STOX2: variants seen among roughly 807,000 people sequenced by gnomAD.
The protein encoded by STOX2 is storkhead-box protein 2.
Under a neutral mutation model 60.9 loss-of-function variants are expected in STOX2, and 28 were observed. The observed-to-expected ratio is 0.46, with a 90% confidence interval of 0.34 to 0.63. The LOEUF is 0.63. Ranked by LOEUF, STOX2 falls within the 30% of genes least tolerant of loss-of-function variation. The pLI is 0.01. For missense variants in STOX2, 1,024 were observed against 1,187.7 expected, an observed-to-expected ratio of 0.86 and a Z score of 2.03; for synonymous variants, 472 against 463.9, an observed-to-expected ratio of 1.02 and a Z score of -0.22.
chr4:183,885,190 C>T (rs1410355278), intron 1 of STOX2, among the ~76,000 whole-genome samples: 2 of 152,110 alleles, frequency 1.3e-5, no homozygotes, highest in Non-Finnish European at 2.9e-5. Flanking sequence ...CCCCCACCCA[C>T]CTTTCAGAAT....
Position 184,021,416 on chromosome 4 carries a change from A to G in STOX2, c.*4132A>G, listed in dbSNP as rs1283902756. ...GCTAATAAAGTCAAAGAAAACAAAT[A>G]CATCTTGACACTTTTGTCCATTTTC... On this transcript the variant is annotated 3_prime_UTR_variant, in exon 4 of 4. Transcript: ENST00000308497. The G allele has an allele frequency of 1.3e-5, 2 of 150,406 alleles. No individual in the cohort carries two copies. Among genetic ancestry groups the G allele is most frequent in the East Asian group, 2.0e-4 (1 of 5,038 alleles). 9.3% of individuals were successfully genotyped at this position (150,406 alleles called of 1,614,324 possible). A position where few individuals can be genotyped will look rare whatever the true frequency, so the allele number is the denominator to read the frequency against.
intron 1 of STOX2, among the ~76,000 whole-genome samples, chr4:183,952,953 C>A (rs1373740835): frequency 6.6e-6 from 1 of 152,130 alleles, no homozygotes; most frequent in South Asian, 2.1e-4. Flanking sequence ...AAACCAAACA[C>A]CACATGTTCT....
chr4:183,835,030 A>G (rs1044524605), intron 1 of STOX2, among the ~76,000 whole-genome samples: 4 of 152,138 alleles, frequency 2.6e-5, no homozygotes, highest in Non-Finnish European at 5.9e-5. Flanking sequence ...AGTGTCGTGG[A>G]GAGGAAACAT....
chr4:183,920,365 C>G (rs1416366224), intron 1 of STOX2, among the ~76,000 whole-genome samples: 1 of 152,198 alleles, frequency 6.6e-6, no homozygotes, highest in Non-Finnish European at 1.5e-5. Flanking sequence ...GCCTTGGCCT[C>G]CCGAAGTGCT....
chr4:183,974,732 A>C (rs1385793049), intron 1 of STOX2, among the ~76,000 whole-genome samples: 1 of 152,218 alleles, frequency 6.6e-6, no homozygotes, highest in Admixed American at 6.5e-5. Flanking sequence ...AACTGAAAGG[A>C]AAAATGGACA....
intron 1 of STOX2, among the ~76,000 whole-genome samples, chr4:183,839,568 C>A (rs887263362): frequency 1.3e-5 from 2 of 152,194 alleles, no homozygotes; most frequent in Non-Finnish European, 2.9e-5. Flanking sequence ...GGGGATTTCT[C>A]CATGCGAGTC....
At chr4:183,879,965 G>C (rs796566928) in intron 1 of STOX2, among the ~76,000 whole-genome samples, 13 of 152,140 alleles carry the variant, frequency 8.5e-5, no homozygotes, top group African/African-American at 3.1e-4. Flanking sequence ...CTTAGGAAAG[G>C]AATTTGGTGC....
At chr4:183,888,951 G>T (rs1294821584) in intron 1 of STOX2, among the ~76,000 whole-genome samples, 3 of 151,928 alleles carry the variant, frequency 2.0e-5, no homozygotes, top group Non-Finnish European at 4.4e-5. Flanking sequence ...CCTCTGTCAG[G>T]AAAACACAGT....
chr4:183,848,208 A>G (rs1579329934), intron 1 of STOX2, among the ~76,000 whole-genome samples: 1 of 152,226 alleles, frequency 6.6e-6, no homozygotes, highest in Non-Finnish European at 1.5e-5. Context: ...GAGCCAGAGT[A>G]GTGGCCTAAT....
chr4:183,895,380 G>A (rs1477825349), intron 1 of STOX2, among the ~76,000 whole-genome samples: 6 of 152,124 alleles, frequency 3.9e-5, no homozygotes, highest in Admixed American at 3.9e-4. Flanking sequence ...CCCTCTGCTG[G>A]GAACCATAGC....
rs572102067 is a variant in STOX2 at position 183,821,768 on chromosome 4, C to T, written c.364+23713C>T. On this transcript the variant is annotated intron_variant, in intron 1 of 2. Transcript: ENST00000513034. This position sits in a 1 kb window ranked among gnomAD's most constrained non-coding sequence, Gnocchi z 4.2. ...CTGCTGCTCCAGCAGCCTCCCCCTC[C>T]ACATCCCTGCGGAGCACCCATCCCT... Among the ~76,000 whole-genome samples, 8 of 152,354 alleles carry T rather than the reference C, an allele frequency of 5.3e-5. No homozygotes were observed. The highest frequency in any genetic ancestry group is 1.9e-4 in the African/African-American group (8 of 41,580).
intron 1 of STOX2, among the ~76,000 whole-genome samples, chr4:183,992,687 C>T (rs1226479614): frequency 6.6e-6 from 1 of 152,196 alleles, no homozygotes; most frequent in African/African-American, 2.4e-5. Flanking sequence ...ATAACTTTAT[C>T]CTTGTTGGTA....
intron 1 of STOX2, among the ~76,000 whole-genome samples, chr4:183,858,889 C>G (rs1377334290): frequency 6.6e-6 from 1 of 151,818 alleles, no homozygotes; most frequent in East Asian, 1.9e-4. Context: ...AGCAATTTGC[C>G]CCTTCATCTC....
chr4:183,911,976 A>T (rs867230712), intron 1 of STOX2, among the ~76,000 whole-genome samples: 1 of 152,210 alleles, frequency 6.6e-6, no homozygotes, highest in Middle Eastern at 3.2e-3. Context: ...AAGAAAGGAC[A>T]TGGGTAATTT....
chr4:183,804,519 C>G (rs186756566), intron 1 of STOX2, among the ~76,000 whole-genome samples: 1 of 152,130 alleles, frequency 6.6e-6, no homozygotes, highest in Non-Finnish European at 1.5e-5. Context: ...CCTGTGGGGC[C>G]GTGTGGGATG....
chr4:183,798,047 G>A (rs1238316608), exon 1 of STOX2: 4 of 1,228,914 alleles, frequency 3.3e-6, no homozygotes, highest in African/African-American at 1.6e-5. Flanking sequence ...TTCCACATCC[G>A]CTGCCTGGGT....
rs951708135 is a variant in STOX2, at chr4:184,018,432, T to C, written c.*1148T>C. ...GGGAAGATATGTATAGAGAAAACTT[T>C]TAAAATAATTTTTGATTAGAAATAT... On this transcript the variant is annotated 3_prime_UTR_variant, in exon 4 of 4. Coordinates refer to ENST00000308497, the MANE Select transcript of STOX2 (RefSeq NM_020225.3). The C allele has an allele frequency of 6.6e-5, 10 of 150,476 alleles. No individual in the cohort carries two copies. The highest frequency in any genetic ancestry group is 2.4e-4 in the African/African-American group (10 of 41,248). 9.3% of individuals were successfully genotyped at this position (150,476 alleles called of 1,614,324 possible).
intron 1 of STOX2, among the ~76,000 whole-genome samples, chr4:183,966,320 C>T (rs1367213588): frequency 6.6e-6 from 1 of 152,170 alleles, no homozygotes; most frequent in East Asian, 1.9e-4. Context: ...GAAACTCAGA[C>T]CATAGTTATG....
chr4:183,807,043 G>A (rs987911988), intron 1 of STOX2, among the ~76,000 whole-genome samples: 2 of 152,018 alleles, frequency 1.3e-5, no homozygotes, highest in African/African-American at 2.4e-5. Flanking sequence ...CGCGATCTCG[G>A]CTCACTGCAA....
Sources: allele counts gnomAD v4.1 joint callset (sites outside exome capture counted in the v4.1 genomes callset), GRCh38; gene constraint gnomAD v4.1.1; non-coding constraint Gnocchi (gnomAD v3.1); transcripts MANE v1.5; gene names NCBI Gene and HGNC (gene_info 2026-07-23, HGNC 2026-07-21).